Variants in TENM1 observed in about 807,000 individuals in gnomAD.
The protein encoded by TENM1 is teneurin-1.
A neutral mutation model predicts 174.8 loss-of-function variants in TENM1; 35 were observed. The ratio of observed to expected loss-of-function variants is 0.20; its 90% CI spans 0.15 to 0.27. TENM1 has a LOEUF of 0.27. Among genes scored for constraint, TENM1 ranks in the 10% least tolerant of loss-of-function variants. TENM1 has a pLI of 1.00. For missense variants in TENM1, 1,633 were observed against 2,130.1 expected, an observed-to-expected ratio of 0.77 and a Z score of 4.59; for synonymous variants, 781 against 798.7, an observed-to-expected ratio of 0.98 and a Z score of 0.37.
chrX:124,957,578 C>CAAAAAAA (rs1225936775), intron 1 of TENM1, among the ~76,000 whole-genome samples: 8 of 31,020 alleles, frequency 2.6e-4, no homozygotes, highest in African/African-American at 5.4e-4. Flanking sequence ...AACTCCAACT[C>CAAAAAAA]AAAAAAAAAA....
intron 11 of TENM1, among the ~76,000 whole-genome samples, chrX:124,628,659 T>C (rs1211162139): frequency 9.0e-6 from 1 of 111,548 alleles, no homozygotes; most frequent in Non-Finnish European, 1.9e-5. Flanking sequence ...TTGAGGACAC[T>C]GTGAATTACA....
the TENM1 span, among the ~76,000 whole-genome samples, chrX:125,159,918 G>C: frequency 8.9e-6 from 1 of 111,747 alleles, no homozygotes; most frequent in Non-Finnish European, 1.9e-5. Flanking sequence ...AGAAATTGGA[G>C]GCAGGGCATG....
intron 3 of TENM1, among the ~76,000 whole-genome samples, chrX:124,760,721 T>G (rs1024316631): frequency 1.7e-4 from 19 of 111,783 alleles, no homozygotes; most frequent in Non-Finnish European, 3.6e-4. Context: ...AAAGAGCATC[T>G]GCACAGCAAA....
At chrX:124,380,459 A>G in exon 32 of TENM1, 1 of 1,015,848 alleles carries the variant, frequency 9.8e-7, no homozygotes, top group Non-Finnish European at 1.3e-6. Context: ...GTTCTGATCT[A>G]GAAAACCAAT....
intron 25 of TENM1, among the ~76,000 whole-genome samples, chrX:124,408,485 G>C (rs1456368723): frequency 1.8e-5 from 2 of 111,098 alleles, no homozygotes; most frequent in Non-Finnish European, 3.8e-5. Context: ...GGAGGCAGGA[G>C]TTTGCAGGCA....
intron 11 of TENM1, among the ~76,000 whole-genome samples, chrX:124,599,532 T>C (rs1479564604): frequency 2.7e-5 from 3 of 110,848 alleles, no homozygotes; most frequent in Non-Finnish European, 5.7e-5. Flanking sequence ...CTTTAACAAT[T>C]AAAGGTCAAG....
chrX:124,891,999 T>C (rs112366364), intron 3 of TENM1, among the ~76,000 whole-genome samples: 1,850 of 111,787 alleles, frequency 0.017, 41 homozygotes, highest in African/African-American at 0.058. Context: ...CAATGATTGT[T>C]AGGATATAAA....
intron 27 of TENM1, among the ~76,000 whole-genome samples, chrX:124,398,185 G>A (rs1417557906): frequency 1.9e-5 from 2 of 107,599 alleles, no homozygotes; most frequent in African/African-American, 6.8e-5. Context: ...CCAAGATCGC[G>A]CCACTGCCCT....
intron 3 of TENM1, among the ~76,000 whole-genome samples, chrX:124,872,792 G>A (rs2057133792): frequency 9.0e-6 from 1 of 111,569 alleles, no homozygotes; most frequent in Admixed American, 9.5e-5. Context: ...TCCATGCCTT[G>A]CTTCCTCTGT....
the TENM1 span, among the ~76,000 whole-genome samples, chrX:125,068,004 T>C: frequency 4.6e-4 from 51 of 111,554 alleles, no homozygotes; most frequent in African/African-American, 1.7e-3. Flanking sequence ...AAAATGCACA[T>C]AATTTTAAGT....
At chrX:125,147,408 T>G in the TENM1 span, among the ~76,000 whole-genome samples, 1 of 111,403 alleles carries the variant, frequency 9.0e-6, no homozygotes, top group African/African-American at 3.3e-5. Flanking sequence ...CTCTAATCAC[T>G]GGTACACACT....
intron 19 of TENM1, among the ~76,000 whole-genome samples, chrX:124,501,384 T>A (rs2047326632): frequency 9.0e-6 from 1 of 111,705 alleles, no homozygotes; most frequent in Non-Finnish European, 1.9e-5. Context: ...CAGGTAAATA[T>A]AATTGCAGCA....
chrX:124,946,206 C>T (rs1005369283), intron 1 of TENM1, among the ~76,000 whole-genome samples: 1 of 111,222 alleles, frequency 9.0e-6, no homozygotes, highest in East Asian at 2.8e-4. Flanking sequence ...GTAGGCGCAG[C>T]AATAGCTGGA....
chrX:124,971,124 T>C, the TENM1 span, among the ~76,000 whole-genome samples: 1 of 68,464 alleles, frequency 1.5e-5, no homozygotes, highest in African/African-American at 6.3e-5. Context: ...CATCACACAC[T>C]GGGGCCTGTT....
chrX:125,092,810 C>T, the TENM1 span, among the ~76,000 whole-genome samples: 1 of 112,290 alleles, frequency 8.9e-6, no homozygotes, highest in Non-Finnish European at 1.9e-5. Flanking sequence ...AAAAATATTT[C>T]GATGAATGGT....
chrX:124,945,723 C>A (rs1458006850), intron 1 of TENM1, among the ~76,000 whole-genome samples: 2 of 110,912 alleles, frequency 1.8e-5, no homozygotes, highest in African/African-American at 6.6e-5. Context: ...GTCAGGAGTT[C>A]TGTTTTGAAT....
the TENM1 span, among the ~76,000 whole-genome samples, chrX:125,194,783 T>A: frequency 4.5e-5 from 5 of 112,012 alleles, no homozygotes; most frequent in African/African-American, 1.6e-4. Flanking sequence ...TATTCCCCAT[T>A]GCTAATTTAA....
intron 4 of TENM1, among the ~76,000 whole-genome samples, chrX:124,727,808 C>T (rs772097816): frequency 1.1e-4 from 12 of 110,973 alleles, no homozygotes. Flanking sequence ...ATTTCATGTG[C>T]GGTATGAAAT....
intron 11 of TENM1, among the ~76,000 whole-genome samples, chrX:124,599,913 G>A (rs1174991304): frequency 9.1e-6 from 1 of 110,464 alleles, no homozygotes; most frequent in Non-Finnish European, 1.9e-5. Flanking sequence ...ACCCTGTGGT[G>A]TTGAACTGGA....
Sources: allele counts gnomAD v4.1 joint callset (sites outside exome capture counted in the v4.1 genomes callset), GRCh38; gene constraint gnomAD v4.1.1; transcripts MANE v1.5; gene names NCBI Gene and HGNC (gene_info 2026-07-23, HGNC 2026-07-21).